The following CAPN5 variants were observed in gnomAD, a reference collection of about 807,000 sequenced individuals.
The protein encoded by CAPN5 is calpain 5.
A neutral mutation model predicts 73.0 loss-of-function variants in CAPN5; 54 were observed. That is an observed-to-expected ratio of 0.74 (90% CI 0.59 to 0.93). The LOEUF is 0.93. Ranked by LOEUF, CAPN5 falls within the 40% of genes least tolerant of loss-of-function variation. CAPN5 has a pLI of 0.00. For missense variants in CAPN5, 785 were observed against 882.9 expected, an observed-to-expected ratio of 0.89 and a Z score of 1.41; for synonymous variants, 335 against 356.9, an observed-to-expected ratio of 0.94 and a Z score of 0.69.
chr11:77,101,795 C>A (rs889539517), intron 3 of CAPN5, among the ~76,000 whole-genome samples: 2 of 152,350 alleles, frequency 1.3e-5, no homozygotes, highest in South Asian at 2.1e-4. Context: ...CACTCCAGTT[C>A]TTTCATTTCC....
At chr11:77,103,419 A>T in intron 3 of CAPN5, 2 of 1,468,034 alleles carry the variant, frequency 1.4e-6, no homozygotes, top group Non-Finnish European at 1.8e-6. Flanking sequence ...TGGGGCCATT[A>T]TTCTCGCTGC....
chr11:77,084,876 C>T lies in CAPN5; in HGVS notation c.-11C>T. On this transcript the variant is annotated 5_prime_UTR_variant, in exon 2 of 13. Coordinates refer to ENST00000648180, the MANE Select transcript of CAPN5 (RefSeq NM_004055.5). ...GGTGTTCCCCCTCCCCTCCCTGGGG[C>T]AGCAGCCACCATGTTCTCGTGTGTG... 1 of 1,613,996 alleles carries T rather than the reference C, an allele frequency of 6.2e-7. No individual in the cohort carries two copies. Among genetic ancestry groups the T allele is most frequent in the Non-Finnish European group, 8.5e-7 (1 of 1,180,026 alleles).
intron 1 of CAPN5, among the ~76,000 whole-genome samples, chr11:77,075,088 A>G (rs543619602): frequency 6.6e-6 from 1 of 152,284 alleles, no homozygotes; most frequent in South Asian, 2.1e-4. Flanking sequence ...TCCGCTGCTC[A>G]GCACCCTTCC....
At chr11:77,097,908 C>G (rs1297398125) in intron 3 of CAPN5, among the ~76,000 whole-genome samples, 3 of 78,812 alleles carry the variant, frequency 3.8e-5, no homozygotes, top group Non-Finnish European at 7.0e-5. Flanking sequence ...ATTTCTCAAT[C>G]TTTTCCCCAC....
chr11:77,088,887 G>A (rs1950120204), intron 2 of CAPN5, among the ~76,000 whole-genome samples: 1 of 152,168 alleles, frequency 6.6e-6, no homozygotes, highest in Non-Finnish European at 1.5e-5. Context: ...AGGCTGGGAT[G>A]GGCTGAGCAG....
At chr11:77,068,512 C>G (rs868960321) in intron 1 of CAPN5, among the ~76,000 whole-genome samples, 7 of 152,094 alleles carry the variant, frequency 4.6e-5, no homozygotes, top group South Asian at 4.1e-4. Flanking sequence ...GTCATTGCAG[C>G]CCCAAGGAAC....
chr11:77,125,614 C>CTATATATATATATA lies in CAPN5; in HGVS notation c.*1757_*1770dup, dbSNP rs10543158. On this transcript the variant is annotated 3_prime_UTR_variant, in exon 13 of 13. Transcript: ENST00000648180. ...CTATGTATCTCTGTATGCACACGCA[C>CTATATATATATATA]TATATATATATATATATATATATAT... 33 of 140,688 alleles carry CTATATATATATATA rather than the reference C, an allele frequency of 2.3e-4. No individual in the cohort carries two copies. The highest frequency in any genetic ancestry group is 7.6e-4 in the African/African-American group (29 of 38,334). 8.7% of individuals were successfully genotyped at this position (140,688 alleles called of 1,614,324 possible).
At chr11:77,077,365 AG>A (rs1235969709) in intron 1 of CAPN5, among the ~76,000 whole-genome samples, 6 of 152,114 alleles carry the variant, frequency 3.9e-5, no homozygotes, top group African/African-American at 1.4e-4. Flanking sequence ...TCAAAAAAAA[AG>A]ATTTTAAAAA....
At position 77,115,574 on chromosome 11, in the gene CAPN5, G is replaced by A. The variant is rs148213292; in HGVS notation, c.879G>A (p.Gly293=). ...CCTGGGGCGAGCGGGAGTGGAACGG[G>A]CCCTGGAGTGACACGTGAGGCCTGG... The part of the protein sequence containing the change: ...RNPWGEREWN[G]PWSDTSEEWQ... The change falls in exon 6 of 13, where the codon GGG becomes GGA. Residue 293 remains glycine (G), a synonymous_variant. Transcript: ENST00000648180. The A allele has an allele frequency of 1.8e-4, 288 of 1,609,222 alleles. 1 individual carries two copies. In the African/African-American group the frequency reaches 3.2e-3, roughly 18 times the overall value.
chr11:77,097,489 T>A (rs1387663724), intron 3 of CAPN5, among the ~76,000 whole-genome samples: 73 of 135,400 alleles, frequency 5.4e-4, no homozygotes, highest in Admixed American at 1.2e-3. Flanking sequence ...TTTTTTTTTT[T>A]ATTGATAATT....
chr11:77,097,260 G>C (rs542096204), intron 3 of CAPN5, among the ~76,000 whole-genome samples: 2 of 152,126 alleles, frequency 1.3e-5, no homozygotes, highest in Non-Finnish European at 2.9e-5. Context: ...CTATGTCCCT[G>C]ACCGGGTTAT....
intron 1 of CAPN5, among the ~76,000 whole-genome samples, chr11:77,082,513 G>A (rs1555034769): frequency 6.6e-6 from 1 of 152,230 alleles, no homozygotes; most frequent in African/African-American, 2.4e-5. Context: ...GATACAGTGG[G>A]AGGTGACCTT....
chr11:77,087,057 G>A (rs782490286), intron 2 of CAPN5, among the ~76,000 whole-genome samples: 30 of 152,238 alleles, frequency 2.0e-4, no homozygotes, highest in Non-Finnish European at 3.7e-4. Context: ...GACAGAGAGC[G>A]TATGGTGGCT....
At chr11:77,111,020 C>T (rs1374960341) in intron 3 of CAPN5, among the ~76,000 whole-genome samples, 1 of 152,090 alleles carries the variant, frequency 6.6e-6, no homozygotes, top group Non-Finnish European at 1.5e-5. Context: ...GGTCATTCAC[C>T]CTGACTTGAC....
chr11:77,089,912 CT>C (rs1256787462), intron 2 of CAPN5, among the ~76,000 whole-genome samples: 1 of 152,102 alleles, frequency 6.6e-6, no homozygotes, highest in African/African-American at 2.4e-5. Context: ...AACAAAAAAC[CT>C]AGTCTACCTG....
chr11:77,073,091 G>A (rs1012817303), intron 1 of CAPN5: 5 of 1,289,838 alleles, frequency 3.9e-6, no homozygotes, highest in South Asian at 1.2e-5. Flanking sequence ...TCTACCTGCT[G>A]TCAGCACTTT....
chr11:77,115,660 G>A, intron 6 of CAPN5, 72 bp downstream of exon 6: 1 of 1,286,712 alleles, frequency 7.8e-7, no homozygotes, highest in Admixed American at 2.0e-5. Flanking sequence ...CTTCTTGGAG[G>A]AGTTGGCACT....
chr11:77,123,916 A>G lies in CAPN5; in HGVS notation c.*46A>G, dbSNP rs782397084. 5.7e-6 allele frequency: 9 copies of G among 1,572,826 alleles called. No individual in the cohort carries two copies. In the South Asian group the frequency reaches 6.9e-5, roughly 12 times the overall value. On this transcript the variant is annotated 3_prime_UTR_variant, in exon 13 of 13. Transcript: ENST00000648180. ...TCTGACCGTTCCCACCACCATCTGC[A>G]TGTCCCCACTGGGCCTGAGTCTAGC...
chr11:77,070,950 C>T (rs1042321987), intron 1 of CAPN5, among the ~76,000 whole-genome samples: 7 of 152,194 alleles, frequency 4.6e-5, no homozygotes, highest in African/African-American at 1.7e-4. Context: ...CAGGGCCCAC[C>T]CAGATAAGCC....
Sources: allele counts gnomAD v4.1 joint callset (sites outside exome capture counted in the v4.1 genomes callset), GRCh38; gene constraint gnomAD v4.1.1; transcripts MANE v1.5; gene names NCBI Gene and HGNC (gene_info 2026-07-23, HGNC 2026-07-21).